MYOM1: variants seen among roughly 807,000 people sequenced by gnomAD.
MYOM1 encodes myomesin 1.
In MYOM1, 164 loss-of-function variants were observed where a neutral mutation model predicts 205.3. The observed-to-expected ratio is 0.80, with a 90% CI of 0.70 to 0.91. The LOEUF (loss-of-function observed/expected upper bound fraction) is 0.91, where lower values mean the gene tolerates loss of function less well. Among genes scored for constraint, MYOM1 ranks in the 40% least tolerant of loss-of-function variants. The probability of loss-of-function intolerance (pLI) is 0.00; values close to 1 mark genes in which losing one functional copy is unlikely to be tolerated. For missense variants in MYOM1, 2,011 were observed against 2,127.3 expected (o/e 0.95, Z 1.08); for synonymous variants, 772 against 789.4 (o/e 0.98, Z 0.37).
intron 19 of MYOM1, 150 bp from the exon 20 acceptor site, chr18:3,120,145 G>A (rs2079667099): frequency 8.9e-7 from 1 of 1,118,948 alleles, no homozygotes; most frequent in Non-Finnish European, 1.2e-6. Context: ...TCTCCTGGGT[G>A]TGGATGAAAC....
intron 8 of MYOM1, among the ~76,000 whole-genome samples, chr18:3,170,608 C>CTGTAAAT (rs1421515299): frequency 1.3e-5 from 2 of 152,050 alleles, no homozygotes; most frequent in Admixed American, 6.6e-5. Context: ...TAAATGCAGC[C>CTGTAAAT]TGCGTAATCA....
At chr18:3,092,279 C>T (rs956583138) in intron 26 of MYOM1, among the ~76,000 whole-genome samples, 43 of 152,272 alleles carry the variant, frequency 2.8e-4, no homozygotes, top group Middle Eastern at 3.4e-3. Flanking sequence ...TCACTGCAGC[C>T]TCGAACTCCT....
intron 22 of MYOM1, among the ~76,000 whole-genome samples, chr18:3,109,150 T>C (rs1465402348): frequency 6.6e-6 from 1 of 151,736 alleles, no homozygotes; most frequent in Non-Finnish European, 1.5e-5. Context: ...CAGCTAATTT[T>C]TTTTGTATTT....
chr18:3,169,015 T>C, intron 8 of MYOM1, 34 bp from the exon 9 acceptor site: 2 of 1,574,732 alleles, frequency 1.3e-6, no homozygotes, highest in South Asian at 1.2e-5. Context: ...CAGTAATTTT[T>C]TTCTTCATCA....
chr18:3,183,920 T>C (rs1257654255), intron 5 of MYOM1, among the ~76,000 whole-genome samples: 1 of 151,894 alleles, frequency 6.6e-6, no homozygotes, highest in Non-Finnish European at 1.5e-5. Context: ...TTTTTTTTTT[T>C]TTTGAGACAG....
At chr18:3,083,427 C>CTTTTTTTTTTTTTTTTTTTTTTTCTT (rs35959808) in intron 33 of MYOM1, among the ~76,000 whole-genome samples, 1 of 98,524 alleles carries the variant, frequency 1.0e-5, no homozygotes. Flanking sequence ...TTTTCTTTTT[C>CTTTTTTTTTTTTTTTTTTTTTTTCTT]TTTTTTTTTT....
chr18:3,243,761 T>C, the MYOM1 span, among the ~76,000 whole-genome samples: 1 of 152,210 alleles, frequency 6.6e-6, no homozygotes, highest in Non-Finnish European at 1.5e-5. Context: ...TTTGAGCTTG[T>C]GTCCCAATCA....
intron 18 of MYOM1, among the ~76,000 whole-genome samples, chr18:3,127,305 A>ATATATAT (rs56880961): frequency 0.014 from 646 of 47,582 alleles, 18 homozygotes; most frequent in South Asian, 0.019. Flanking sequence ...ATATATATAT[A>ATATATAT]TTTTTTTTTT....
chr18:3,243,627 T>C, the MYOM1 span, among the ~76,000 whole-genome samples: 52 of 152,354 alleles, frequency 3.4e-4, no homozygotes, highest in African/African-American at 1.0e-3. Flanking sequence ...GTTAGAGATA[T>C]GTGGATAAAT....
intron 21 of MYOM1, among the ~76,000 whole-genome samples, chr18:3,114,150 T>C (rs1408972619): frequency 6.6e-6 from 1 of 152,192 alleles, no homozygotes; most frequent in Non-Finnish European, 1.5e-5. Flanking sequence ...GTAATAAAAA[T>C]AGAGTAATCG....
At chr18:3,110,893 G>T (rs2079516746) in intron 22 of MYOM1, among the ~76,000 whole-genome samples, 1 of 151,068 alleles carries the variant, frequency 6.6e-6, no homozygotes. Context: ...GAAAACTACG[G>T]TTCTAGCAGA....
intron 2 of MYOM1, among the ~76,000 whole-genome samples, chr18:3,213,249 C>T (rs2081213052): frequency 6.6e-6 from 1 of 152,144 alleles, no homozygotes; most frequent in Non-Finnish European, 1.5e-5. Flanking sequence ...TTTCTAGTTG[C>T]CCTACCAGAT....
At chr18:3,208,058 G>T (rs1464048440) in intron 2 of MYOM1, among the ~76,000 whole-genome samples, 1 of 152,168 alleles carries the variant, frequency 6.6e-6, no homozygotes, top group Admixed American at 6.5e-5. Flanking sequence ...ACAGTTCTAT[G>T]GATCTATAAA....
intron 22 of MYOM1, among the ~76,000 whole-genome samples, chr18:3,102,972 C>T (rs966544247): frequency 6.8e-6 from 1 of 147,576 alleles, no homozygotes; most frequent in East Asian, 2.0e-4. Flanking sequence ...TTATCAGACC[C>T]TCATTCATGA....
rs746247312 is a variant in MYOM1, at chr18:3,112,375, C to A, written c.3341G>T (p.Arg1114Leu). The change falls in exon 22 of 38, where the codon CGT (arginine) becomes CTT (leucine). Residue 1114 changes from arginine (R) to leucine (L), a missense_variant. Transcript: ENST00000356443. ...GLKEGVSYVF[R>L]VRAINQAGVG... is the part of the protein sequence containing the mutation. ...TCCCGCCTGGTTTATGGCTCGAACA[C>A]GGAACACGTAGCTGACGCCCTCCTT... 2 of 1,611,836 alleles carry A rather than the reference C, an allele frequency of 1.2e-6. No individual in the cohort carries two copies. The highest frequency in any genetic ancestry group is 1.7e-5 in the Admixed American group (1 of 59,908).
intron 14 of MYOM1, among the ~76,000 whole-genome samples, chr18:3,137,244 C>T (rs990565432): frequency 1.3e-5 from 2 of 152,096 alleles, no homozygotes; most frequent in African/African-American, 4.8e-5. Context: ...CCACCATGCC[C>T]GGCCCAGTGT....
intron 10 of MYOM1, among the ~76,000 whole-genome samples, chr18:3,159,184 T>C (rs1286172710): frequency 6.6e-6 from 1 of 152,230 alleles, no homozygotes; most frequent in Non-Finnish European, 1.5e-5. Flanking sequence ...CGGATGGCTT[T>C]ACTTTTTATT....
At chr18:3,130,737 T>C (rs77668328) in intron 17 of MYOM1, among the ~76,000 whole-genome samples, 8,480 of 152,272 alleles carry the variant, frequency 0.056, 297 homozygotes, top group East Asian at 0.13. Flanking sequence ...ATTACAGGTG[T>C]AAGCCCCCGT....
chr18:3,117,227 G>C (rs758274408), intron 20 of MYOM1, among the ~76,000 whole-genome samples: 2 of 152,118 alleles, frequency 1.3e-5, no homozygotes, highest in Admixed American at 1.3e-4. Flanking sequence ...AAAGAAAGCA[G>C]CTCTATTTGA....
Sources: allele counts gnomAD v4.1 joint callset (sites outside exome capture counted in the v4.1 genomes callset), GRCh38; gene constraint gnomAD v4.1.1; transcripts MANE v1.5; gene names NCBI Gene and HGNC (gene_info 2026-07-23, HGNC 2026-07-21).